Variants in FMR1NB observed in about 807,000 individuals in gnomAD.
FMR1NB encodes FMR1 neighbor.
FMR1NB carries 10 observed loss-of-function variants against 16.8 expected under a neutral mutation model. The ratio of observed to expected loss-of-function variants is 0.60; its 90% CI spans 0.37 to 1.01. The LOEUF (loss-of-function observed/expected upper bound fraction) is 1.01, where lower values mean the gene tolerates loss of function less well. Ranked by LOEUF, FMR1NB falls within the 50% of genes least tolerant of loss-of-function variation. The pLI, the probability that FMR1NB is intolerant of heterozygous loss-of-function variation, is 0.01. For synonymous variants in FMR1NB, 83 were observed against 79.1 expected (o/e 1.05, Z -0.26); for missense variants, 205 against 204.8 (o/e 1.00, Z 0.00).
chrX:148,016,545 C>A (rs1557190154), intron 4 of FMR1NB, among the ~76,000 whole-genome samples: 1 of 111,602 alleles, frequency 9.0e-6, no homozygotes, highest in Non-Finnish European at 1.9e-5. Flanking sequence ...TCCTTCCTTC[C>A]TGTCTTCCTC....
rs2044597866 is a variant in FMR1NB at position 148,006,687 on chromosome X, T to G, written c.398-15T>G. The G allele has an allele frequency of 8.4e-7, 1 of 1,187,950 alleles. No homozygotes were observed. Among genetic ancestry groups the G allele is most frequent in the East Asian group, 3.0e-5 (1 of 33,488 alleles). On this transcript the variant is annotated splice_polypyrimidine_tract_variant and intron_variant, in intron 2 of 5. Coordinates refer to ENST00000370467, the MANE Select transcript of FMR1NB (RefSeq NM_152578.3). ...CCATGCTGAATTCTCTTTCTTAAAT[T>G]TCTGTTTTTAAAAGCTTGCAATCTG... is the stretch of plus-strand genomic sequence containing the variant.
At chrX:148,000,457 A>G (rs1317427343) in intron 1 of FMR1NB, among the ~76,000 whole-genome samples, 1 of 112,277 alleles carries the variant, frequency 8.9e-6, no homozygotes, top group Non-Finnish European at 1.9e-5. Context: ...AGCACACAAA[A>G]GAAAACTGCA....
intron 4 of FMR1NB, among the ~76,000 whole-genome samples, chrX:148,014,634 C>T (rs1015818697): frequency 7.3e-5 from 8 of 109,786 alleles, no homozygotes; most frequent in African/African-American, 1.0e-4. Context: ...ATGGCTTCTA[C>T]GGAAGTAAAC....
chrX:147,985,051 A>C (rs1343217641), intron 1 of FMR1NB, among the ~76,000 whole-genome samples: 2 of 111,746 alleles, frequency 1.8e-5, no homozygotes, highest in African/African-American at 6.5e-5. Context: ...AATCCTTATA[A>C]TACGCTGTTG....
At chrX:147,995,233 T>A (rs2044536037) in intron 1 of FMR1NB, among the ~76,000 whole-genome samples, 1 of 112,389 alleles carries the variant, frequency 8.9e-6, no homozygotes, top group Admixed American at 9.5e-5. Context: ...GTTTATGGTA[T>A]GTTGTTACAA....
At chrX:148,010,592 G>A (rs1056098515) in intron 4 of FMR1NB, among the ~76,000 whole-genome samples, 7 of 111,633 alleles carry the variant, frequency 6.3e-5, no homozygotes, top group Admixed American at 1.9e-4. Context: ...TAAAATATTA[G>A]GGTAGGTAAA....
intron 1 of FMR1NB, among the ~76,000 whole-genome samples, chrX:147,997,379 G>C (rs1311733231): frequency 9.0e-6 from 1 of 111,694 alleles, no homozygotes; most frequent in African/African-American, 3.3e-5. Context: ...ATTTAATAAA[G>C]GGTATTGGAA....
chrX:148,010,305 C>T (rs782014209), intron 4 of FMR1NB, among the ~76,000 whole-genome samples: 2 of 112,627 alleles, frequency 1.8e-5, no homozygotes, highest in South Asian at 7.3e-4. Flanking sequence ...CTTGAGCTGA[C>T]TATCATGACC....
intron 1 of FMR1NB, among the ~76,000 whole-genome samples, chrX:147,994,224 C>T (rs1468708662): frequency 1.8e-5 from 2 of 111,483 alleles, no homozygotes; most frequent in Admixed American, 9.6e-5. Context: ...CAACCAAGGT[C>T]CACCCACAGT....
chrX:148,009,873 T>C (rs1221609896), intron 4 of FMR1NB, among the ~76,000 whole-genome samples: 1 of 112,142 alleles, frequency 8.9e-6, no homozygotes. Flanking sequence ...TGATTGGCAG[T>C]AGGAGTGGAA....
At chrX:148,014,676 G>A (rs782483197) in intron 4 of FMR1NB, among the ~76,000 whole-genome samples, 43 of 111,078 alleles carry the variant, frequency 3.9e-4, no homozygotes, top group South Asian at 1.5e-3. Flanking sequence ...ACAAGTTCTC[G>A]CTCTGTCACC....
chrX:148,024,870 C>T lies in FMR1NB; in HGVS notation c.638C>T (p.Pro213Leu), dbSNP rs782811149. ...YCRSLFWRSE[P>L]ADDLQRQDNR... ...TTGAACTTTTTATGTTACAGCGAAC[C>T]GGCCGATGATTTACAAAGGCAGGAC... The change falls in exon 5 of 6, where the codon CCG (proline) becomes CTG (leucine). Residue 213 changes from proline (P) to leucine (L), a missense_variant. Physicochemically the swap from Pro to Leu is moderately conservative, Grantham distance 98. Coordinates refer to ENST00000370467, the MANE Select transcript of FMR1NB (RefSeq NM_152578.3). 13 of 1,205,496 alleles carry T rather than the reference C, an allele frequency of 1.1e-5. No homozygotes were observed. The South Asian group carries it at 2.3e-4, about 22-fold the overall frequency.
In FMR1NB at chrX:147,983,343, G is replaced by A. The variant is rs558803548; in HGVS notation, c.277+1664G>A. ...CACTGTTTTACAAAGTGGTTGAACC[G>A]TTTTACATCTCCACTAACAATGTTT... On this transcript the variant is annotated intron_variant, in intron 1 of 5. Coordinates refer to ENST00000370467, the MANE Select transcript of FMR1NB (RefSeq NM_152578.3). Among the ~76,000 whole-genome samples, 25 of 111,913 alleles carry A rather than the reference G, an allele frequency of 2.2e-4. No individual in the cohort carries two copies. The South Asian group carries it at 9.0e-3, about 40-fold the overall frequency.
At chrX:147,986,948 A>G (rs1483866524) in intron 1 of FMR1NB, among the ~76,000 whole-genome samples, 2 of 112,066 alleles carry the variant, frequency 1.8e-5, no homozygotes, top group African/African-American at 6.5e-5. Flanking sequence ...CTTCTTATCA[A>G]TGAACATGGA....
At chrX:148,000,389 T>C (rs1421332476) in intron 1 of FMR1NB, among the ~76,000 whole-genome samples, 1 of 111,688 alleles carries the variant, frequency 9.0e-6, no homozygotes, top group African/African-American at 3.2e-5. Flanking sequence ...ACAGGAAGCT[T>C]CCTAGGTTAT....
At chrX:148,006,953 A>G in intron 3 of FMR1NB, 111 bp downstream of exon 3, 1 of 855,817 alleles carries the variant, frequency 1.2e-6, no homozygotes, top group Non-Finnish European at 1.6e-6. Context: ...TGGGACTCCC[A>G]GTCCTAGAGC....
At position 148,006,840 on chromosome X, in the gene FMR1NB, A is replaced by G. The variant is rs1557189156; in HGVS notation, c.536A>G (p.Asp179Gly). 1.7e-6 allele frequency: 2 copies of G among 1,200,400 alleles called. No individual in the cohort carries two copies. Among genetic ancestry groups the G allele is most frequent in the Non-Finnish European group, 2.2e-6 (2 of 890,609 alleles). ...TTCAAATGTTTTGCTCCATTTAGAG[A>G]TGGTAAGTTATTCCTCTTTCATTTA... ...TSFKCFAPFR[D>G]VPKQMMQMFG... is the part of the protein sequence containing the mutation. Residue 179 changes from aspartate (D) to glycine (G), a missense_variant and splice_region_variant, in exon 3 of 6, where the codon GAT becomes GGT. Transcript: ENST00000370467.
chrX:148,003,866 G>A (rs1341672888), intron 2 of FMR1NB, among the ~76,000 whole-genome samples: 1 of 111,616 alleles, frequency 9.0e-6, no homozygotes, highest in Non-Finnish European at 1.9e-5. Flanking sequence ...AAATAAACAC[G>A]TTTCATTTTG....
At chrX:147,984,230 T>G (rs1453017846) in intron 1 of FMR1NB, among the ~76,000 whole-genome samples, 1 of 111,642 alleles carries the variant, frequency 9.0e-6, no homozygotes, top group Non-Finnish European at 1.9e-5. Context: ...AATTTGAGAG[T>G]CAGCTTTTCC....
Sources: gnomAD v4.1 joint callset for allele counts (sites outside exome capture counted in the v4.1 genomes callset) on GRCh38, gnomAD v4.1.1 for gene constraint, MANE v1.5 for transcripts, NCBI Gene and HGNC (gene_info 2026-07-23, HGNC 2026-07-21) for gene names.